PLXNA2: variants seen among roughly 807,000 people sequenced by gnomAD.
PLXNA2 encodes plexin A2.
A neutral mutation model predicts 193.5 loss-of-function variants in PLXNA2; 91 were observed. That is an observed-to-expected ratio of 0.47 (90% CI 0.40 to 0.56). The LOEUF (loss-of-function observed/expected upper bound fraction) is 0.56. Ranked by LOEUF, PLXNA2 falls within the 20% of genes least tolerant of loss-of-function variation. PLXNA2 has a pLI of 0.00. For missense variants in PLXNA2, 1,995 were observed against 2,503.2 expected, an observed-to-expected ratio of 0.80 and a Z score of 4.33; for synonymous variants, 997 against 1,027.3, an observed-to-expected ratio of 0.97 and a Z score of 0.56.
At chr1:208,064,804 G>A (rs1016604120) in intron 12 of PLXNA2, among the ~76,000 whole-genome samples, 1 of 152,090 alleles carries the variant, frequency 6.6e-6, no homozygotes, top group African/African-American at 2.4e-5. Context: ...CTTCTCCAGA[G>A]CGGGAGTGAG....
At chr1:208,050,972 G>C in intron 17 of PLXNA2, 37 bp downstream of exon 17, 2 of 1,476,332 alleles carry the variant, frequency 1.4e-6, no homozygotes, top group Non-Finnish European at 1.9e-6. Flanking sequence ...ACAGAGCTGT[G>C]TTTACCAAAG....
chr1:208,209,995 T>TTTTTTTTTG, intron 3 of PLXNA2: 1 of 183,146 alleles, frequency 5.5e-6, no homozygotes, highest in South Asian at 1.2e-4. Context: ...TTTTTTTTTT[T>TTTTTTTTTG]TTTTTTTTTG....
chr1:208,165,539 C>T (rs917334576), intron 3 of PLXNA2, among the ~76,000 whole-genome samples: 5 of 152,196 alleles, frequency 3.3e-5, no homozygotes, highest in African/African-American at 4.8e-5. Flanking sequence ...ATTCTCTCCA[C>T]GATTTTGTTC....
chr1:208,084,342 G>A (rs1558183513), intron 10 of PLXNA2, 38 bp downstream of exon 10: 3 of 1,604,322 alleles, frequency 1.9e-6, no homozygotes, highest in Non-Finnish European at 2.6e-6. Flanking sequence ...GTGAGAGGAA[G>A]CCCTGCTCCA....
intron 3 of PLXNA2, among the ~76,000 whole-genome samples, chr1:208,142,825 A>T (rs1020336254): frequency 6.6e-6 from 1 of 152,252 alleles, no homozygotes; most frequent in Non-Finnish European, 1.5e-5. Context: ...ACACTCCTTC[A>T]TGGTGGCTGG....
intron 22 of PLXNA2, 55 bp from the exon 23 acceptor site, chr1:208,040,113 G>A: frequency 1.4e-6 from 2 of 1,449,304 alleles, no homozygotes; most frequent in East Asian, 2.3e-5. Context: ...TCTCCGTGGT[G>A]GGGCCTGGGC....
intron 3 of PLXNA2, among the ~76,000 whole-genome samples, chr1:208,193,725 A>G (rs943652571): frequency 1.3e-5 from 2 of 152,118 alleles, no homozygotes; most frequent in African/African-American, 4.8e-5. Context: ...ATTCATGCCC[A>G]AAATATAAAA....
Position 208,039,633 on chromosome 1 carries a change from C to T in PLXNA2, c.4488G>A (p.Glu1496=). 6.2e-7 allele frequency: 1 copy of T among 1,613,928 alleles called. No homozygotes were observed. Among genetic ancestry groups the T allele is most frequent in the Non-Finnish European group, 8.5e-7 (1 of 1,180,044 alleles). Reference sequence around the variant, plus strand: ...CCGGCTTCCTCACCAGGGTCTTGTACTCGATCTGCTGCCGGATGAGCTTGT... The same window carrying T: ...CCGGCTTCCTCACCAGGGTCTTGTATTCGATCTGCTGCCGGATGAGCTTGT... ...SEDKLIRQQI[E]YKTLILNCVN... Residue 1496 remains glutamate (E), a synonymous_variant, in exon 24 of 32, where the codon GAG becomes GAA. Coordinates refer to ENST00000367033, the MANE Select transcript of PLXNA2 (RefSeq NM_025179.4).
chr1:208,162,189 G>A (rs1669151122), intron 3 of PLXNA2, among the ~76,000 whole-genome samples: 1 of 152,232 alleles, frequency 6.6e-6, no homozygotes, highest in Non-Finnish European at 1.5e-5. Flanking sequence ...AAGGGCTCAG[G>A]ACAGCTGACA....
intron 12 of PLXNA2, among the ~76,000 whole-genome samples, chr1:208,062,715 G>T (rs565518520): frequency 6.6e-6 from 1 of 152,268 alleles, no homozygotes; most frequent in Non-Finnish European, 1.5e-5. Flanking sequence ...AGTCAAGGGG[G>T]CTCAGAGGTG....
At chr1:208,199,553 T>C (rs1670472044) in intron 3 of PLXNA2, among the ~76,000 whole-genome samples, 2 of 151,970 alleles carry the variant, frequency 1.3e-5, no homozygotes, top group African/African-American at 4.8e-5. Flanking sequence ...TAACTGGGCG[T>C]GGTGGCATGA....
At chr1:208,064,284 G>A (rs1665714344) in intron 12 of PLXNA2, among the ~76,000 whole-genome samples, 1 of 152,180 alleles carries the variant, frequency 6.6e-6, no homozygotes. Flanking sequence ...AGCTGCCAGG[G>A]TGACCTTCAT....
chr1:208,167,298 C>G (rs1206674242), intron 3 of PLXNA2, among the ~76,000 whole-genome samples: 3 of 152,080 alleles, frequency 2.0e-5, no homozygotes, highest in African/African-American at 4.8e-5. Context: ...TCTCCCACAC[C>G]CCCCTCACAG....
chr1:208,084,857 C>T (rs1666459752), intron 9 of PLXNA2, among the ~76,000 whole-genome samples: 1 of 152,222 alleles, frequency 6.6e-6, no homozygotes, highest in Admixed American at 6.5e-5. Context: ...ATTTTATCTC[C>T]TGAGACACTG....
chr1:208,034,092 C>T (rs936964007), intron 27 of PLXNA2, among the ~76,000 whole-genome samples: 1 of 152,210 alleles, frequency 6.6e-6, no homozygotes, highest in Non-Finnish European at 1.5e-5. Context: ...CCCCAGTACT[C>T]CTCGGACTAA....
At chr1:208,042,059 ACTCCT>A in intron 22 of PLXNA2, 34 bp downstream of exon 22, 1 of 1,600,108 alleles carries the variant, frequency 6.2e-7, no homozygotes, top group Non-Finnish European at 8.5e-7. Context: ...CCAGGTTCAG[ACTCCT>A]GCCACCCTCT....
intron 26 of PLXNA2, among the ~76,000 whole-genome samples, chr1:208,037,839 G>T (rs749246740): frequency 1.4e-4 from 21 of 152,034 alleles, no homozygotes; most frequent in Non-Finnish European, 2.8e-4. Context: ...GGTTCACCAG[G>T]AGCCCCATTT....
intron 10 of PLXNA2, among the ~76,000 whole-genome samples, chr1:208,083,557 A>T (rs917365067): frequency 6.6e-6 from 1 of 151,838 alleles, no homozygotes; most frequent in African/African-American, 2.4e-5. Flanking sequence ...AGCGCCTGTG[A>T]CCTGGGAATC....
intron 3 of PLXNA2, among the ~76,000 whole-genome samples, chr1:208,197,885 T>G (rs868090435): frequency 2.0e-5 from 3 of 152,166 alleles, no homozygotes; most frequent in African/African-American, 7.2e-5. Context: ...TCCTCCAGCC[T>G]CACCTTTGCT....
Sources: gnomAD v4.1 joint callset for allele counts (sites outside exome capture counted in the v4.1 genomes callset) on GRCh38, gnomAD v4.1.1 for gene constraint, MANE v1.5 for transcripts, NCBI Gene and HGNC (gene_info 2026-07-23, HGNC 2026-07-21) for gene names.